WWOX: variants seen among roughly 807,000 people sequenced by gnomAD.
WWOX encodes the protein WW domain-containing oxidoreductase.
Under a neutral mutation model 46.2 loss-of-function variants are expected in WWOX, and 69 were observed. That is an observed-to-expected ratio of 1.49 (90% CI 1.23 to 1.82). WWOX has a LOEUF of 1.82. Among genes scored for constraint, WWOX ranks in the 40% most tolerant of loss-of-function variants. The pLI is 0.00. For missense variants in WWOX, 919 were observed against 542.6 expected (o/e 1.69, Z -6.89); for synonymous variants, 359 against 202.6 (o/e 1.77, Z -6.56).
chr16:78,151,929 G>A (rs544888316), intron 4 of WWOX, among the ~76,000 whole-genome samples: 1 of 152,188 alleles, frequency 6.6e-6, no homozygotes, highest in South Asian at 2.1e-4. Flanking sequence ...GGTGGCTCAC[G>A]CCTGTAATCC....
At chr16:78,755,691 A>G (rs951088524) in intron 8 of WWOX, among the ~76,000 whole-genome samples, 9 of 152,220 alleles carry the variant, frequency 5.9e-5, no homozygotes, top group African/African-American at 2.2e-4. Context: ...CACCAGGGCC[A>G]TGTGACAAAT....
intron 8 of WWOX, among the ~76,000 whole-genome samples, chr16:78,980,130 A>T (rs1323046580): frequency 6.6e-6 from 1 of 152,174 alleles, no homozygotes; most frequent in African/African-American, 2.4e-5. Context: ...TCCATCTCAA[A>T]TCAATCAACC....
chr16:78,594,429 G>GCCTCCCCCCCCCCCCC (rs1171391505), intron 8 of WWOX, among the ~76,000 whole-genome samples: 1 of 32,380 alleles, frequency 3.1e-5, no homozygotes, highest in Non-Finnish European at 5.2e-5. Context: ...CTGAGGAAAG[G>GCCTCCCCCCCCCCCCC]CCCCCCCCCC....
chr16:78,535,360 C>T (rs1425094768), intron 8 of WWOX: 1 of 152,234 alleles, frequency 6.6e-6, no homozygotes, highest in African/African-American at 2.4e-5. Flanking sequence ...GCTTTATCTT[C>T]TCTCCATCTC....
chr16:78,484,449 A>G (rs2151451924), intron 8 of WWOX, among the ~76,000 whole-genome samples: 1 of 152,264 alleles, frequency 6.6e-6, no homozygotes, highest in South Asian at 2.1e-4. Context: ...ACCCTACCTG[A>G]GCTATTAGTT....
chr16:78,397,662 T>C (rs1393630801), intron 6 of WWOX, among the ~76,000 whole-genome samples: 1 of 152,194 alleles, frequency 6.6e-6, no homozygotes, highest in Non-Finnish European at 1.5e-5. Context: ...AAATAGATGA[T>C]GGACAGCCAC....
At chr16:78,422,828 T>C (rs868090706) in intron 6 of WWOX, among the ~76,000 whole-genome samples, 1,813 of 105,076 alleles carry the variant, frequency 0.017, 129 homozygotes, top group African/African-American at 0.046. Context: ...TACACACACA[T>C]ATATATATAT....
chr16:79,007,086 G>A (rs897010496), intron 8 of WWOX, among the ~76,000 whole-genome samples: 27 of 152,108 alleles, frequency 1.8e-4, no homozygotes, highest in Non-Finnish European at 5.9e-5. Flanking sequence ...CACAGGCCAG[G>A]CGCTATGCCA....
chr16:78,236,433 A>T (rs2037439785), intron 5 of WWOX, among the ~76,000 whole-genome samples: 1 of 152,140 alleles, frequency 6.6e-6, no homozygotes, highest in Admixed American at 6.5e-5. Context: ...TTTGACAGAC[A>T]CATTAAGAGC....
intron 5 of WWOX, among the ~76,000 whole-genome samples, chr16:78,195,276 C>A (rs2036012117): frequency 6.6e-6 from 1 of 152,318 alleles, no homozygotes. Flanking sequence ...CCTGCTCCTT[C>A]ATTAAACCTG....
intron 8 of WWOX, among the ~76,000 whole-genome samples, chr16:78,505,698 T>G (rs1022029640): frequency 6.7e-6 from 1 of 150,328 alleles, no homozygotes; most frequent in Non-Finnish European, 1.5e-5. Context: ...TGGCCATGCC[T>G]CTCTGCTCTC....
At chr16:78,540,670 C>A (rs2043870096) in intron 8 of WWOX, among the ~76,000 whole-genome samples, 1 of 151,446 alleles carries the variant, frequency 6.6e-6, no homozygotes, top group African/African-American at 2.4e-5. Flanking sequence ...TAGGCTCCTG[C>A]AAATTTTATC....
intron 8 of WWOX, among the ~76,000 whole-genome samples, chr16:78,985,727 C>A (rs143739552): frequency 6.6e-6 from 1 of 152,214 alleles, no homozygotes; most frequent in East Asian, 1.9e-4. Flanking sequence ...CAAGGTCGTG[C>A]CACTGCACTC....
intron 8 of WWOX, among the ~76,000 whole-genome samples, chr16:79,151,352 T>C (rs1205925029): frequency 2.0e-5 from 3 of 152,202 alleles, no homozygotes; most frequent in East Asian, 3.9e-4. Context: ...GCAGGTGTTG[T>C]GTGGATTCCC....
At chr16:79,198,979 T>C (rs1235217505) in intron 8 of WWOX, among the ~76,000 whole-genome samples, 2 of 152,198 alleles carry the variant, frequency 1.3e-5, no homozygotes, top group African/African-American at 4.8e-5. Flanking sequence ...AGCCATGTGA[T>C]TTGGTTCAGC....
chr16:78,282,465 T>C (rs1365264852), intron 5 of WWOX, among the ~76,000 whole-genome samples: 1 of 152,194 alleles, frequency 6.6e-6, no homozygotes, highest in Non-Finnish European at 1.5e-5. Flanking sequence ...TTCCATCTCA[T>C]TGATACCTGC....
At chr16:79,007,717 A>T (rs1023395558) in intron 8 of WWOX, among the ~76,000 whole-genome samples, 1 of 152,252 alleles carries the variant, frequency 6.6e-6, no homozygotes, top group East Asian at 1.9e-4. Context: ...ACCCGGTATC[A>T]TATAGCTGCT....
intron 8 of WWOX, among the ~76,000 whole-genome samples, chr16:78,914,337 G>A (rs1193915693): frequency 6.6e-6 from 1 of 152,040 alleles, no homozygotes; most frequent in Admixed American, 6.6e-5. Context: ...CATGTCTTCA[G>A]CACTTAGAAC....
chr16:79,179,293 A>T (rs1233775869), intron 8 of WWOX, among the ~76,000 whole-genome samples: 1 of 152,180 alleles, frequency 6.6e-6, no homozygotes, highest in African/African-American at 2.4e-5. Flanking sequence ...ACCGATTACA[A>T]CATTTTTCCA....
Sources: allele counts gnomAD v4.1 joint callset (sites outside exome capture counted in the v4.1 genomes callset), GRCh38; gene constraint gnomAD v4.1.1; transcripts MANE v1.5; gene names NCBI Gene and HGNC (gene_info 2026-07-23, HGNC 2026-07-21).